Variants in DYNC2I1 observed in about 807,000 individuals in gnomAD.
DYNC2I1 encodes cytoplasmic dynein 2 intermediate chain 1.
In DYNC2I1, 89 loss-of-function variants were observed where a neutral mutation model predicts 133.4. The ratio of observed to expected loss-of-function variants is 0.67; its 90% CI spans 0.56 to 0.80. DYNC2I1 has a LOEUF of 0.80. Among genes scored for constraint, DYNC2I1 ranks in the 30% least tolerant of loss-of-function variants. The pLI is 0.00. For missense variants in DYNC2I1, 1,291 were observed against 1,314.5 expected, an observed-to-expected ratio of 0.98 and a Z score of 0.28; for synonymous variants, 504 against 484.3, an observed-to-expected ratio of 1.04 and a Z score of -0.54.
intron 11 of DYNC2I1, among the ~76,000 whole-genome samples, chr7:158,909,330 C>CAA (rs66565045): frequency 0.013 from 579 of 46,146 alleles, 16 homozygotes; most frequent in East Asian, 0.027. Context: ...GACTCTGTCT[C>CAA]AAAAAAAAAA....
At chr7:158,887,596 A>G (rs976847057) in intron 7 of DYNC2I1, among the ~76,000 whole-genome samples, 1 of 152,214 alleles carries the variant, frequency 6.6e-6, no homozygotes, top group Non-Finnish European at 1.5e-5. Context: ...AGATGAAAGG[A>G]CAAATTCCTA....
Position 158,914,314 on chromosome 7 carries a change from C to T in DYNC2I1, c.1784C>T (p.Ala595Val). 1 of 1,610,134 alleles carries T rather than the reference C, an allele frequency of 6.2e-7. No individual in the cohort carries two copies. The highest frequency in any genetic ancestry group is 8.5e-7 in the Non-Finnish European group (1 of 1,177,960). The change falls in exon 14 of 25, where the codon GCT (alanine) becomes GTT (valine). Residue 595 changes from alanine (A) to valine (V), a missense_variant. By Grantham distance (64) the Ala-to-Val change is moderately conservative. Transcript: ENST00000407559. Reference sequence around the variant, plus strand: ...AGGTTATGTAGCTTTCTGCGGGCTGCTTGTCAGGTATACTCAACCTATATA... The same window carrying T: ...AGGTTATGTAGCTTTCTGCGGGCTGTTTGTCAGGTATACTCAACCTATATA... ...TPRLCSFLRAACQVMAVLLEE... is the reference protein window; with the variant it reads ...TPRLCSFLRAVCQVMAVLLEE...
intron 5 of DYNC2I1, 53 bp from the exon 6 acceptor site, chr7:158,884,511 C>G: frequency 3.9e-6 from 6 of 1,553,106 alleles, no homozygotes; most frequent in Non-Finnish European, 5.2e-6. Flanking sequence ...ATTATGCTTA[C>G]TTCATTCCGA....
intron 8 of DYNC2I1, among the ~76,000 whole-genome samples, chr7:158,897,406 T>C (rs527454284): frequency 3.9e-5 from 6 of 152,374 alleles, no homozygotes; most frequent in African/African-American, 1.4e-4. Context: ...TTATTAATTA[T>C]TGACTTGATG....
At chr7:158,889,314 T>G (rs1844951140) in intron 7 of DYNC2I1, among the ~76,000 whole-genome samples, 3 of 151,848 alleles carry the variant, frequency 2.0e-5, no homozygotes, top group African/African-American at 2.4e-5. Flanking sequence ...TCTCCTGACC[T>G]CATGATCCAC....
chr7:158,947,457 G>A (rs1235953175), downstream of DYNC2I1, among the ~76,000 whole-genome samples: 2 of 152,160 alleles, frequency 1.3e-5, no homozygotes, highest in Non-Finnish European at 2.9e-5. Context: ...TTTGGTGTCT[G>A]CGAATTCTCA....
At chr7:158,845,002 A>G in the DYNC2I1 span, among the ~76,000 whole-genome samples, 3 of 152,148 alleles carry the variant, frequency 2.0e-5, no homozygotes, top group Non-Finnish European at 2.9e-5. Flanking sequence ...GGGCCCCCCA[A>G]CCATCTAGAT....
chr7:158,953,783 G>T (rs759192016), intron 4 of DYNC2I1, among the ~76,000 whole-genome samples: 3 of 151,944 alleles, frequency 2.0e-5, no homozygotes, highest in Non-Finnish European at 2.9e-5. Context: ...TGCATCATAG[G>T]TTATATATAT....
In DYNC2I1 at chr7:158,946,014, G is replaced by A. The variant is rs575251892; in HGVS notation, c.*235G>A. On this transcript the variant is annotated 3_prime_UTR_variant, in exon 25 of 25. Transcript: ENST00000407559. ...AACTTCCAGGGGAATGTAGAGCCAC[G>A]TCCAGGGTGCTCTTTTCTGAGAGTA... 1.6e-4 allele frequency: 63 copies of A among 386,896 alleles called. No individual in the cohort carries two copies. Among genetic ancestry groups the A allele is most frequent in the Middle Eastern group, 6.9e-4 (1 of 1,458 alleles). The allele number at this position is 386,896 out of a possible 1,614,324, so 24.0% of individuals were successfully genotyped here.
intron 20 of DYNC2I1, among the ~76,000 whole-genome samples, chr7:158,928,808 C>A (rs534187560): frequency 1.3e-5 from 2 of 151,908 alleles, no homozygotes; most frequent in African/African-American, 4.8e-5. Context: ...CCCTTCACAC[C>A]CAGGATTCCG....
intron 20 of DYNC2I1, among the ~76,000 whole-genome samples, chr7:158,927,355 A>C (rs1401333373): frequency 6.6e-6 from 1 of 151,464 alleles, no homozygotes; most frequent in Non-Finnish European, 1.5e-5. Flanking sequence ...GTGAGCCGTG[A>C]TCATGCCACT....
At chr7:158,872,914 C>G (rs1843007344) in intron 3 of DYNC2I1, among the ~76,000 whole-genome samples, 1 of 151,690 alleles carries the variant, frequency 6.6e-6, no homozygotes, top group African/African-American at 2.4e-5. Flanking sequence ...TCACTTGAAC[C>G]CGGGAGGAGG....
chr7:158,840,804 C>G, the DYNC2I1 span, among the ~76,000 whole-genome samples: 1 of 152,082 alleles, frequency 6.6e-6, no homozygotes, highest in Non-Finnish European at 1.5e-5. Context: ...TGCAGGGAAG[C>G]CTGCTCCAGG....
chr7:158,875,286 G>T (rs1273702010), intron 3 of DYNC2I1, among the ~76,000 whole-genome samples: 2 of 151,930 alleles, frequency 1.3e-5, no homozygotes, highest in Non-Finnish European at 2.9e-5. Context: ...GTAAAGGTGG[G>T]GTTTCACCAT....
At position 158,871,177 on chromosome 7, in the gene DYNC2I1, G is replaced by A. The variant is rs748373806; in HGVS notation, c.105G>A (p.Lys35=). Residue 35 remains lysine (K), a synonymous_variant, in exon 3 of 25, where the codon AAG becomes AAA. Coordinates refer to ENST00000407559, the MANE Select transcript of DYNC2I1 (RefSeq NM_018051.5). ...IQSGGSKEER[K]HREKKLRKES... ...CAGGTGGTTCCAAGGAAGAAAGAAA[G>A]CACAGAGAGAAGAAGCTGCGTAAGG... 110 of 1,613,566 alleles carry A rather than the reference G, an allele frequency of 6.8e-5. No homozygotes were observed. The highest frequency in any genetic ancestry group is 9.2e-5 in the Non-Finnish European group (108 of 1,179,724).
intron 10 of DYNC2I1, chr7:158,903,453 T>C (rs1371900005): frequency 6.6e-6 from 1 of 152,196 alleles, no homozygotes; most frequent in African/African-American, 2.4e-5. Flanking sequence ...ATTGATGCAG[T>C]TAATTATAGT....
intron 7 of DYNC2I1, 40 bp downstream of exon 7, chr7:158,887,115 A>T: frequency 1.3e-6 from 2 of 1,578,428 alleles, no homozygotes; most frequent in Non-Finnish European, 1.7e-6. Context: ...ATTTTATGGT[A>T]CATTGAGATT....
chr7:158,932,601 A>C (rs1850334863), intron 21 of DYNC2I1, among the ~76,000 whole-genome samples: 1 of 152,224 alleles, frequency 6.6e-6, no homozygotes, highest in East Asian at 1.9e-4. Flanking sequence ...AAAGGTGGTC[A>C]GGAGCCATTG....
At chr7:158,857,338 G>A (rs557428997) in intron 1 of DYNC2I1, among the ~76,000 whole-genome samples, 1 of 152,188 alleles carries the variant, frequency 6.6e-6, no homozygotes, top group East Asian at 1.9e-4. Context: ...ATAGACCAGT[G>A]CCTGCTTTCA....
Sources: allele counts gnomAD v4.1 joint callset (sites outside exome capture counted in the v4.1 genomes callset), GRCh38; gene constraint gnomAD v4.1.1; transcripts MANE v1.5; gene names NCBI Gene and HGNC (gene_info 2026-07-23, HGNC 2026-07-21).